RARB: variants seen among roughly 807,000 people sequenced by gnomAD.
The protein encoded by RARB is retinoic acid receptor beta, also known as HBV-activated protein.
RARB carries 17 observed loss-of-function variants against 51.9 expected under a neutral mutation model. The observed-to-expected ratio is 0.33, with a 90% CI of 0.22 to 0.49. RARB has a LOEUF of 0.49. RARB is among the 20% of genes least tolerant of loss of function. The probability of loss-of-function intolerance (pLI) is 0.99; values close to 1 mark genes in which losing one functional copy is unlikely to be tolerated. For synonymous variants in RARB, 215 were observed against 195.4 expected (o/e 1.10, Z -0.84); for missense variants, 369 against 550.8 (o/e 0.67, Z 3.30).
intron 5 of RARB, among the ~76,000 whole-genome samples, chr3:25,320,144 A>G (rs1362922182): frequency 1.3e-5 from 2 of 151,918 alleles, no homozygotes; most frequent in Non-Finnish European, 2.9e-5. Context: ...CAACCTCTAC[A>G]ACATCCCCAT....
In RARB at chr3:25,056,054, G is replaced by A. The variant is rs183493722; in HGVS notation, c.-379-4071G>A. 1.1e-3 allele frequency among the ~76,000 whole-genome samples: 165 copies of A among 152,126 alleles called. 1 individual carries two copies. Among genetic ancestry groups the A allele is most frequent in the African/African-American group, 3.6e-3 (148 of 41,482 alleles). On this transcript the variant is annotated intron_variant, in intron 2 of 11. Coordinates refer to the RARB transcript ENST00000383772. ...GTAAAGAACTCCCTATTACCCTGCCGGGAAACATGCCCAACTCTTAGTGTC... is the reference window on the plus strand; with the variant it reads ...GTAAAGAACTCCCTATTACCCTGCCAGGAAACATGCCCAACTCTTAGTGTC...
At chr3:25,348,596 C>G (rs1389398459) in intron 5 of RARB, among the ~76,000 whole-genome samples, 1 of 152,128 alleles carries the variant, frequency 6.6e-6, no homozygotes, top group Admixed American at 6.6e-5. Flanking sequence ...ATAATAATTG[C>G]AAGTCCTTTG....
At chr3:25,041,449 C>A (rs1319767794) in intron 2 of RARB, among the ~76,000 whole-genome samples, 1 of 151,698 alleles carries the variant, frequency 6.6e-6, no homozygotes, top group Non-Finnish European at 1.5e-5. Flanking sequence ...CTGTCTTTTC[C>A]CCTAACTGCA....
At chr3:25,176,334 T>TTTCC (rs71057701) in intron 5 of RARB, among the ~76,000 whole-genome samples, 5 of 108,470 alleles carry the variant, frequency 4.6e-5, no homozygotes, top group African/African-American at 1.3e-4. Flanking sequence ...TCTTTCTTTC[T>TTTCC]TTCCTTCCTT....
At chr3:25,287,855 C>T (rs1392304137) in intron 5 of RARB, among the ~76,000 whole-genome samples, 2 of 151,918 alleles carry the variant, frequency 1.3e-5, no homozygotes, top group African/African-American at 4.8e-5. Flanking sequence ...TTGTTGTCAG[C>T]CATATTCACT....
intron 3 of RARB, among the ~76,000 whole-genome samples, chr3:25,544,124 A>G (rs1228044907): frequency 6.6e-6 from 1 of 152,248 alleles, no homozygotes; most frequent in East Asian, 1.9e-4. Flanking sequence ...AGGCCATTTA[A>G]TAACATGAAG....
intron 5 of RARB, among the ~76,000 whole-genome samples, chr3:25,197,032 A>T (rs1393659729): frequency 1.3e-5 from 2 of 151,996 alleles, no homozygotes; most frequent in Non-Finnish European, 2.9e-5. Context: ...GTTCACTCTC[A>T]TGGTAGTTTC....
intron 3 of RARB, among the ~76,000 whole-genome samples, chr3:25,129,656 T>C (rs530864633): frequency 2.0e-5 from 3 of 152,116 alleles, no homozygotes; most frequent in African/African-American, 7.2e-5. Context: ...TTAATAAATA[T>C]TTGTTGAATG....
chr3:24,926,310 T>C (rs1462416141), intron 2 of RARB, among the ~76,000 whole-genome samples: 1 of 152,040 alleles, frequency 6.6e-6, no homozygotes, highest in East Asian at 1.9e-4. Context: ...TTTAAAAATA[T>C]AGGGTACCCT....
In RARB at chr3:24,937,313, G is replaced by A. The variant is rs1695566422; in HGVS notation, c.-380+78561G>A. ...ATGTTAGAGAATTCGCTTCTATGTG[G>A]AGTGCAGTATGCTGGAGAGGGGCCA... is the stretch of plus-strand genomic sequence containing the variant. On this transcript the variant is annotated intron_variant, in intron 2 of 11. Transcript: ENST00000383772. Among the ~76,000 whole-genome samples the A allele has an allele frequency of 4.6e-5, 7 of 152,228 alleles. No individual in the cohort carries two copies. The South Asian group carries it at 1.0e-3, about 23-fold the overall frequency.
intron 5 of RARB, among the ~76,000 whole-genome samples, chr3:25,345,664 CAAAAA>C (rs71061207): frequency 1.0e-5 from 1 of 96,488 alleles, no homozygotes; most frequent in Non-Finnish European, 2.1e-5. Flanking sequence ...GACTCCGTCT[CAAAAA>C]AAAAAAAAAA....
chr3:25,537,608 A>G (rs1018026860), intron 3 of RARB, among the ~76,000 whole-genome samples: 1 of 152,072 alleles, frequency 6.6e-6, no homozygotes. Context: ...CTGTGGAATG[A>G]GGGGACTGTG....
At chr3:25,586,661 G>A (rs1016499238) in intron 5 of RARB, among the ~76,000 whole-genome samples, 1 of 152,180 alleles carries the variant, frequency 6.6e-6, no homozygotes. Flanking sequence ...ACGCAAAAGT[G>A]ACGGCCTGTG....
rs1287949154 is a variant in RARB, at chr3:25,531,401, TAGATAGATAGATAGATAGATAGA to T, written c.448+30092_448+30114del. Among the ~76,000 whole-genome samples the T allele has an allele frequency of 1.0e-3, 48 of 46,724 alleles. No individual in the cohort carries two copies. In the East Asian group the frequency reaches 0.031, roughly 30 times the overall value. 30.7% of individuals were successfully genotyped at this position (46,724 alleles called of 152,430 possible). On this transcript the variant is annotated intron_variant, in intron 3 of 7. Coordinates refer to ENST00000330688, the MANE Select transcript of RARB (RefSeq NM_000965.5). ...ATAGATAGATAGGTAGATAGATAGA[TAGATAGATAGATAGATAGATAGA>T]AGATAGATAGATACAGATAGATTTA...
At chr3:25,411,989 T>C (rs1170699317) in intron 5 of RARB, among the ~76,000 whole-genome samples, 1 of 152,178 alleles carries the variant, frequency 6.6e-6, no homozygotes, top group African/African-American at 2.4e-5. Flanking sequence ...GCAAGTGGAA[T>C]CACCCATTCT....
At chr3:25,081,832 C>A (rs1699011835) in intron 3 of RARB, among the ~76,000 whole-genome samples, 1 of 150,686 alleles carries the variant, frequency 6.6e-6, no homozygotes, top group African/African-American at 2.4e-5. Flanking sequence ...GGGGTTTCAC[C>A]ATGTTGGCCA....
intron 5 of RARB, among the ~76,000 whole-genome samples, chr3:25,238,154 C>G (rs965713737): frequency 4.0e-5 from 6 of 151,176 alleles, no homozygotes; most frequent in Admixed American, 2.0e-4. Context: ...TCCAGCGCCC[C>G]CCCACACATC....
chr3:25,467,495 A>G (rs1193429677), intron 2 of RARB, among the ~76,000 whole-genome samples: 3 of 117,144 alleles, frequency 2.6e-5, no homozygotes, highest in Non-Finnish European at 5.6e-5. Flanking sequence ...AAGAGAAGAC[A>G]ATCACCATAC....
At position 24,960,760 on chromosome 3, in the gene RARB, A is replaced by AT. The variant is rs11328626; in HGVS notation, c.-379-99351dup. 5.4e-3 allele frequency among the ~76,000 whole-genome samples: 813 copies of AT among 149,368 alleles called. 7 individuals carry two copies. The highest frequency in any genetic ancestry group is 6.8e-3 in the Middle Eastern group (2 of 292). On this transcript the variant is annotated intron_variant, in intron 2 of 11. Transcript: ENST00000383772. ...TGCCAGTTGAGAATTGAGCCTTTGG[A>AT]TTTTTTTTTTTTTTAACTTTGGTGT...
Sources: gnomAD v4.1 joint callset for allele counts (sites outside exome capture counted in the v4.1 genomes callset) on GRCh38, gnomAD v4.1.1 for gene constraint, MANE v1.5 for transcripts, NCBI Gene and HGNC (gene_info 2026-07-23, HGNC 2026-07-21) for gene names.